RORA: variants seen among roughly 807,000 people sequenced by gnomAD.
RORA encodes the protein RAR related orphan receptor A, also known as nuclear receptor ROR-alpha.
RORA carries 7 observed loss-of-function variants against 69.5 expected under a neutral mutation model. The ratio of observed to expected loss-of-function variants is 0.10; its 90% CI spans 0.06 to 0.19. The LOEUF (loss-of-function observed/expected upper bound fraction) is 0.19. RORA is among the 10% of genes least tolerant of loss of function. The pLI, the probability that RORA is intolerant of heterozygous loss-of-function variation, is 1.00. For synonymous variants in RORA, 261 were observed against 240.8 expected (o/e 1.08, Z -0.78); for missense variants, 457 against 663.0 (o/e 0.69, Z 3.41).
chr15:60,979,591 T>C (rs1192407323), intron 1 of RORA, among the ~76,000 whole-genome samples: 1 of 152,200 alleles, frequency 6.6e-6, no homozygotes, highest in Non-Finnish European at 1.5e-5. Context: ...TTTGATGCCA[T>C]TTCAAGTGGC....
intron 1 of RORA, among the ~76,000 whole-genome samples, chr15:61,166,541 G>A (rs1003993940): frequency 3.9e-5 from 6 of 152,256 alleles, no homozygotes; most frequent in East Asian, 1.9e-4. Flanking sequence ...ATTGACAACC[G>A]TTATATCACC....
intron 1 of RORA, among the ~76,000 whole-genome samples, chr15:60,728,286 C>A (rs75643511): frequency 6.6e-6 from 1 of 152,106 alleles, no homozygotes; most frequent in East Asian, 1.9e-4. Flanking sequence ...AATCCATAAC[C>A]AAGAGACAAA....
intron 1 of RORA, among the ~76,000 whole-genome samples, chr15:60,791,806 C>T (rs938908552): frequency 7.2e-5 from 11 of 152,140 alleles, no homozygotes; most frequent in Admixed American, 4.6e-4. Context: ...CCAGGCAAGT[C>T]GAGTGGTTGC....
At chr15:60,913,495 C>A (rs989040228) in intron 1 of RORA, among the ~76,000 whole-genome samples, 1 of 152,242 alleles carries the variant, frequency 6.6e-6, no homozygotes, top group Non-Finnish European at 1.5e-5. Context: ...GTCAGTACAA[C>A]TTCCCCCGTG....
At chr15:60,847,557 A>G (rs1043330659) in intron 1 of RORA, among the ~76,000 whole-genome samples, 2 of 152,082 alleles carry the variant, frequency 1.3e-5, no homozygotes, top group Non-Finnish European at 2.9e-5. Flanking sequence ...CAGTGCCTAG[A>G]CATGTACTAT....
At chr15:60,803,918 A>G (rs1159087651) in intron 1 of RORA, among the ~76,000 whole-genome samples, 3 of 152,094 alleles carry the variant, frequency 2.0e-5, no homozygotes, top group African/African-American at 7.2e-5. Flanking sequence ...TCTCCACTCT[A>G]TATTTTCTCT....
chr15:61,183,796 G>T (rs1259605158), intron 1 of RORA, among the ~76,000 whole-genome samples: 1 of 152,130 alleles, frequency 6.6e-6, no homozygotes, highest in Non-Finnish European at 1.5e-5. Context: ...TTTCCACAAA[G>T]CAAATGCTCA....
chr15:60,901,453 T>C (rs1279217806), intron 1 of RORA, among the ~76,000 whole-genome samples: 6 of 152,240 alleles, frequency 3.9e-5, no homozygotes, highest in Non-Finnish European at 8.8e-5. Context: ...ATTACAGGTG[T>C]GAGCCACCAC....
chr15:60,861,910 C>A (rs1326909205), intron 1 of RORA, among the ~76,000 whole-genome samples: 2 of 152,166 alleles, frequency 1.3e-5, no homozygotes, highest in Non-Finnish European at 2.9e-5. Flanking sequence ...CCTAAGGTCA[C>A]TGGGCTCTCC....
Position 60,511,418 on chromosome 15 carries a change from C to T in RORA, c.628G>A (p.Glu210Lys), listed in dbSNP as rs199585929. ...ACGGCGGAGTCTGCCTTACTCCCCT[C>T]AGGGGTGTGCCCGTCAATGTAGTTA... ...LSNYIDGHTPEGSKADSAVSS... is the reference protein window; with the variant it reads ...LSNYIDGHTPKGSKADSAVSS... Residue 210 changes from glutamate (E) to lysine (K), a missense_variant, in exon 5 of 11, where the codon GAG (glutamate) becomes AAG (lysine). Glu to Lys is a moderately conservative substitution (Grantham distance 56). Coordinates refer to ENST00000335670, the MANE Select transcript of RORA (RefSeq NM_134261.3). The surrounding 1 kb of genome is among the most constrained non-coding windows in gnomAD (Gnocchi z 6.4). 3 of 1,614,188 alleles carry T rather than the reference C, an allele frequency of 1.9e-6. No homozygotes were observed. Among genetic ancestry groups the T allele is most frequent in the Non-Finnish European group, 2.5e-6 (3 of 1,180,040 alleles).
At chr15:60,503,442 T>G in intron 7 of RORA, 93 bp downstream of exon 7, 1 of 1,297,786 alleles carries the variant, frequency 7.7e-7, no homozygotes, top group Non-Finnish European at 1.1e-6. Context: ...GGAGAAAAAC[T>G]GTTCCCGACA....
chr15:61,033,655 G>A (rs1465633198), intron 1 of RORA, among the ~76,000 whole-genome samples: 7 of 152,050 alleles, frequency 4.6e-5, no homozygotes, highest in Admixed American at 4.6e-4. Flanking sequence ...CAATTTGGTC[G>A]CCACCAACCC....
intron 2 of RORA, among the ~76,000 whole-genome samples, chr15:60,562,020 C>T (rs1457547719): frequency 4.0e-5 from 6 of 151,230 alleles, no homozygotes; most frequent in African/African-American, 9.7e-5. Flanking sequence ...CTCGGATCAC[C>T]GCAACCTCTG....
intron 1 of RORA, among the ~76,000 whole-genome samples, chr15:60,862,333 A>C (rs548273887): frequency 6.6e-6 from 1 of 152,338 alleles, no homozygotes; most frequent in East Asian, 1.9e-4. Flanking sequence ...TATGTGCTAA[A>C]ATTCTTAGCT....
At chr15:60,735,573 A>T (rs2071485691) in intron 1 of RORA, among the ~76,000 whole-genome samples, 1 of 151,766 alleles carries the variant, frequency 6.6e-6, no homozygotes, top group Non-Finnish European at 1.5e-5. Flanking sequence ...ACAGGGAAAA[A>T]AGGAAAAAAA....
At chr15:60,973,849 C>T (rs992976402) in intron 1 of RORA, among the ~76,000 whole-genome samples, 1 of 152,216 alleles carries the variant, frequency 6.6e-6, no homozygotes, top group African/African-American at 2.4e-5. Context: ...TCTGGACTCG[C>T]CAATTAGGCC....
In RORA at chr15:60,610,198, TCA is replaced by T. The variant is rs10674463; in HGVS notation, c.196+68457_196+68458del. Among the ~76,000 whole-genome samples, 267 of 148,302 alleles carry T rather than the reference TCA, an allele frequency of 1.8e-3. 2 individuals are homozygous for T. Among genetic ancestry groups the T allele is most frequent in the Middle Eastern group, 3.5e-3 (1 of 282 alleles). ...CAATCATTCTAAAGTGTCGTGTAAG[TCA>T]CACACACACACACACACACACACTA... On this transcript the variant is annotated intron_variant, in intron 2 of 10. Transcript: ENST00000335670.
At chr15:61,111,383 G>A (rs2079004911) in intron 1 of RORA, among the ~76,000 whole-genome samples, 1 of 152,190 alleles carries the variant, frequency 6.6e-6, no homozygotes, top group South Asian at 2.1e-4. Context: ...TCCCCAAGGA[G>A]GAAGAAAACC....
intron 1 of RORA, among the ~76,000 whole-genome samples, chr15:60,881,440 T>C (rs956545415): frequency 2.0e-5 from 3 of 152,250 alleles, no homozygotes; most frequent in African/African-American, 4.8e-5. Context: ...CTACTCTACA[T>C]TGGATGAAAC....
Sources: allele counts gnomAD v4.1 joint callset (sites outside exome capture counted in the v4.1 genomes callset), GRCh38; gene constraint gnomAD v4.1.1; non-coding constraint Gnocchi (gnomAD v3.1); transcripts MANE v1.5; gene names NCBI Gene and HGNC (gene_info 2026-07-23, HGNC 2026-07-21).